The following HTR4 variants were observed in gnomAD, a reference collection of about 807,000 sequenced individuals.
HTR4 encodes the protein 5-hydroxytryptamine (serotonin) receptor 4, G protein-coupled.
In HTR4, 16 loss-of-function variants were observed where a neutral mutation model predicts 36.8. The ratio of observed to expected loss-of-function variants is 0.43; its 90% CI spans 0.29 to 0.66. The LOEUF (loss-of-function observed/expected upper bound fraction) is 0.66. Among genes scored for constraint, HTR4 ranks in the 30% least tolerant of loss-of-function variants. The pLI is 0.13. For missense variants in HTR4, 438 were observed against 490.9 expected (o/e 0.89, Z 1.02); for synonymous variants, 189 against 185.1 (o/e 1.02, Z -0.17).
At chr5:148,522,269 A>G (rs79147819) in intron 5 of HTR4, among the ~76,000 whole-genome samples, 3,072 of 152,250 alleles carry the variant, frequency 0.02, 52 homozygotes, top group Middle Eastern at 0.048. Flanking sequence ...CAGCAGTGTA[A>G]AAATGGACTA....
At chr5:148,543,965 C>T (rs1759242957) in intron 4 of HTR4, among the ~76,000 whole-genome samples, 1 of 152,154 alleles carries the variant, frequency 6.6e-6, no homozygotes, top group Admixed American at 6.5e-5. Flanking sequence ...AGCACTGAAG[C>T]AGAATGTTCT....
intron 5 of HTR4, among the ~76,000 whole-genome samples, chr5:148,453,101 A>G (rs1343802220): frequency 1.3e-5 from 2 of 152,316 alleles, no homozygotes; most frequent in African/African-American, 4.8e-5. Context: ...TGTGGTTCCT[A>G]TATACGTCAT....
intron 2 of HTR4, among the ~76,000 whole-genome samples, chr5:148,607,531 G>A (rs1404531337): frequency 6.6e-6 from 1 of 152,056 alleles, no homozygotes; most frequent in Non-Finnish European, 1.5e-5. Flanking sequence ...TTCCTAAGAA[G>A]GCCCCAACTC....
intron 6 of HTR4, among the ~76,000 whole-genome samples, chr5:148,485,844 A>G (rs1052915968): frequency 1.3e-5 from 2 of 152,228 alleles, no homozygotes; most frequent in Non-Finnish European, 2.9e-5. Flanking sequence ...GGCATGTGGA[A>G]GGCTCCAGAG....
chr5:148,487,075 C>T lies in HTR4; in HGVS notation c.1077-3782G>A, dbSNP rs559790603. Among the ~76,000 whole-genome samples the T allele has an allele frequency of 3.3e-5, 5 of 150,470 alleles. No homozygotes were observed. In the South Asian group the frequency reaches 1.1e-3, roughly 32 times the overall value. ...TGTTGTAATCATTTTGGTAAAATCC[C>T]TGACAATTTACAAAGCATTGTCATA... On this transcript the variant is annotated intron_variant, in intron 6 of 6. Coordinates refer to ENST00000377888, the MANE Select transcript of HTR4 (RefSeq NM_000870.7).
At chr5:148,633,792 T>C (rs1274326236) in intron 2 of HTR4, among the ~76,000 whole-genome samples, 1 of 152,156 alleles carries the variant, frequency 6.6e-6, no homozygotes, top group Non-Finnish European at 1.5e-5. Context: ...CTACTGACAA[T>C]TTCTTCCTGT....
intron 2 of HTR4, among the ~76,000 whole-genome samples, chr5:148,622,111 C>T (rs1752938855): frequency 6.6e-6 from 1 of 152,168 alleles, no homozygotes; most frequent in South Asian, 2.1e-4. Context: ...GATCAGGAGT[C>T]TGTCTACCTG....
intron 2 of HTR4, among the ~76,000 whole-genome samples, chr5:148,635,123 T>C (rs1753485211): frequency 6.6e-6 from 1 of 152,146 alleles, no homozygotes; most frequent in Non-Finnish European, 1.5e-5. Context: ...TTTTTCACTA[T>C]TATAAGTGGC....
intron 5 of HTR4, chr5:148,465,997 A>G (rs939738407): frequency 1.3e-6 from 2 of 1,580,126 alleles, no homozygotes; most frequent in African/African-American, 1.4e-5. Context: ...AAAAAGAAAA[A>G]AAAAACATAG....
At chr5:148,582,000 C>A (rs1761154541) in intron 2 of HTR4, among the ~76,000 whole-genome samples, 1 of 152,024 alleles carries the variant, frequency 6.6e-6, no homozygotes, top group Non-Finnish European at 1.5e-5. Context: ...TAATTTCTTT[C>A]ATCAGTATTT....
intron 2 of HTR4, among the ~76,000 whole-genome samples, chr5:148,582,627 A>G (rs1398700017): frequency 2.0e-5 from 3 of 152,204 alleles, no homozygotes; most frequent in African/African-American, 7.2e-5. Context: ...AATGAGCCCA[A>G]TACAGAGTCT....
chr5:148,599,146 T>C (rs1476997631), intron 2 of HTR4, among the ~76,000 whole-genome samples: 1 of 152,010 alleles, frequency 6.6e-6, no homozygotes, highest in East Asian at 1.9e-4. Context: ...AGCCGATAGA[T>C]GAGATACATT....
chr5:148,474,864 G>A (rs1331036163), downstream of HTR4, among the ~76,000 whole-genome samples: 1 of 152,008 alleles, frequency 6.6e-6, no homozygotes, highest in African/African-American at 2.4e-5. Context: ...TGGGCAACAC[G>A]GTGAAACCCC....
At chr5:148,624,353 C>T (rs1030829700) in intron 2 of HTR4, among the ~76,000 whole-genome samples, 1 of 152,032 alleles carries the variant, frequency 6.6e-6, no homozygotes, top group Non-Finnish European at 1.5e-5. Context: ...TTTTCTGCAC[C>T]TCAATATGAA....
At chr5:148,589,873 T>G (rs999565915) in intron 2 of HTR4, among the ~76,000 whole-genome samples, 4 of 152,142 alleles carry the variant, frequency 2.6e-5, no homozygotes, top group Non-Finnish European at 5.9e-5. Context: ...GATCTACTCT[T>G]TCAGCAATTT....
intron 2 of HTR4, among the ~76,000 whole-genome samples, chr5:148,611,282 G>A (rs1324482286): frequency 2.6e-5 from 4 of 151,822 alleles, no homozygotes; most frequent in South Asian, 2.1e-4. Context: ...AGAGAGAAAG[G>A]TCGGGTTACT....
In HTR4 at chr5:148,637,200, C is replaced by T. The variant is rs142223593; in HGVS notation, c.-47-139G>A. On this transcript the variant is annotated intron_variant, in intron 1 of 6. Coordinates refer to ENST00000377888, the MANE Select transcript of HTR4 (RefSeq NM_000870.7). Reference sequence around the variant, plus strand: ...AAATATTTAATAAACAATACTAAAGCAAAAAGCTTTTGGCATATTGACGTA... The same window carrying T: ...AAATATTTAATAAACAATACTAAAGTAAAAAGCTTTTGGCATATTGACGTA... The T allele has an allele frequency of 5.7e-3, 3,637 of 634,694 alleles. 10 individuals are homozygous for T. The highest frequency in any genetic ancestry group is 7.5e-3 in the Non-Finnish European group (2,722 of 360,898). The allele number at this position is 634,694 out of a possible 1,614,324, so 39.3% of individuals were successfully genotyped here. A position where few individuals can be genotyped will look rare whatever the true frequency, so the allele number is the denominator to read the frequency against.
At chr5:148,508,675 A>T (rs755387771) in intron 6 of HTR4, among the ~76,000 whole-genome samples, 3 of 152,080 alleles carry the variant, frequency 2.0e-5, no homozygotes, top group Non-Finnish European at 4.4e-5. Flanking sequence ...CCAATTCTAG[A>T]TTGCCCATAC....
At position 148,464,670 on chromosome 5, in the gene HTR4, TTGTC is replaced by T. The variant is rs150337659; in HGVS notation, c.1077-13402_1077-13399del. Among the ~76,000 whole-genome samples, 520 of 152,336 alleles carry T rather than the reference TTGTC, an allele frequency of 3.4e-3. 14 individuals are homozygous for T. In the East Asian group the frequency reaches 0.085, roughly 25 times the overall value. ...TGGTTTAGCCACTTTGGAACACAGTTTGTCTGTCTTTTTACAAAACTAAACATAT... is the reference window on the plus strand; with the variant it reads ...TGGTTTAGCCACTTTGGAACACAGTTTGTCTTTTTACAAAACTAAACATAT... On this transcript the variant is annotated intron_variant, in intron 5 of 5. Coordinates refer to the HTR4 transcript ENST00000521530.
Sources: allele counts gnomAD v4.1 joint callset (sites outside exome capture counted in the v4.1 genomes callset), GRCh38; gene constraint gnomAD v4.1.1; transcripts MANE v1.5; gene names NCBI Gene and HGNC (gene_info 2026-07-23, HGNC 2026-07-21).